The following SLCO5A1 variants were observed in gnomAD, a reference collection of about 807,000 sequenced individuals.
SLCO5A1 encodes solute carrier organic anion transporter family member 5A1, also known as organic anion transporter polypeptide-related protein 4.
SLCO5A1 carries 39 observed loss-of-function variants against 65.1 expected under a neutral mutation model. That is an observed-to-expected ratio of 0.60 (90% CI 0.46 to 0.78). SLCO5A1 has a LOEUF of 0.78. Among genes scored for constraint, SLCO5A1 ranks in the 30% least tolerant of loss-of-function variants. SLCO5A1 has a pLI of 0.00. For missense variants in SLCO5A1, 1,029 were observed against 1,069.4 expected (o/e 0.96, Z 0.53); for synonymous variants, 438 against 415.7 (o/e 1.05, Z -0.65).
At chr8:69,807,870 ATT>A (rs763876614) in intron 2 of SLCO5A1, among the ~76,000 whole-genome samples, 1 of 151,818 alleles carries the variant, frequency 6.6e-6, no homozygotes, top group Non-Finnish European at 1.5e-5. Flanking sequence ...CGCCCAGGTA[ATT>A]TTTTGTATTT....
At chr8:69,748,183 G>A (rs936476054) in intron 4 of SLCO5A1, among the ~76,000 whole-genome samples, 1 of 152,172 alleles carries the variant, frequency 6.6e-6, no homozygotes. Context: ...TTAGCACATT[G>A]AGCCTGAGAC....
chr8:69,771,626 G>T (rs1189760974), intron 2 of SLCO5A1, among the ~76,000 whole-genome samples: 1 of 152,030 alleles, frequency 6.6e-6, no homozygotes, highest in East Asian at 1.9e-4. Flanking sequence ...GATCAGTTTT[G>T]GTGATCGCTC....
chr8:69,784,870 AAGG>A (rs1192899365), intron 2 of SLCO5A1, among the ~76,000 whole-genome samples: 28 of 135,448 alleles, frequency 2.1e-4, no homozygotes, highest in African/African-American at 7.7e-4. Context: ...AAAGGGAAGG[AAGG>A]AGAAAGAAAG....
intron 6 of SLCO5A1, among the ~76,000 whole-genome samples, chr8:69,688,379 A>G (rs1392547560): frequency 6.6e-6 from 1 of 152,036 alleles, no homozygotes; most frequent in Non-Finnish European, 1.5e-5. Context: ...GTACATGTGC[A>G]CAATGTGCAG....
intron 6 of SLCO5A1, among the ~76,000 whole-genome samples, chr8:69,696,513 T>C (rs762623530): frequency 9.2e-5 from 14 of 152,216 alleles, no homozygotes; most frequent in Non-Finnish European, 1.9e-4. Flanking sequence ...CATTTATCCG[T>C]TGCCTCCCAT....
intron 6 of SLCO5A1, among the ~76,000 whole-genome samples, chr8:69,690,024 T>C (rs9693183): frequency 0.5 from 76,347 of 151,790 alleles, 21,428 homozygotes; most frequent in African/African-American, 0.77. Context: ...GCAAGGCCGG[T>C]GGACCCCGCC....
chr8:69,762,186 CTTTCTTTCTTTCTTTT>C (rs1383474146), intron 2 of SLCO5A1, among the ~76,000 whole-genome samples: 1 of 59,924 alleles, frequency 1.7e-5, no homozygotes, highest in African/African-American at 6.9e-5. Context: ...TTCTTTCTTT[CTTTCTTTCTTTCTTTT>C]TTGAGACAGA....
chr8:69,826,194 C>CT (rs1160637432), intron 2 of SLCO5A1, among the ~76,000 whole-genome samples: 1 of 151,994 alleles, frequency 6.6e-6, no homozygotes, highest in African/African-American at 2.4e-5. Flanking sequence ...AAAACCTAGG[C>CT]ATTACCATTC....
chr8:69,701,829 G>A (rs1403480028), intron 6 of SLCO5A1, among the ~76,000 whole-genome samples: 1 of 152,148 alleles, frequency 6.6e-6, no homozygotes, highest in Non-Finnish European at 1.5e-5. Context: ...ATTTGGCTCA[G>A]AATAAATGTC....
At chr8:69,703,125 GAAAAAAGA>G (rs1814824712) in intron 6 of SLCO5A1, among the ~76,000 whole-genome samples, 1 of 76,238 alleles carries the variant, frequency 1.3e-5, no homozygotes, top group South Asian at 5.3e-4. Context: ...AAAAAAAAAA[GAAAAAAGA>G]AAAAAAGAAA....
intron 2 of SLCO5A1, among the ~76,000 whole-genome samples, chr8:69,819,287 C>T (rs1173902698): frequency 6.6e-6 from 1 of 151,852 alleles, no homozygotes; most frequent in East Asian, 1.9e-4. Context: ...GGGAGTGAAA[C>T]TTTAGTCCTG....
At chr8:69,705,361 G>A in intron 5 of SLCO5A1, 132 bp from the exon 6 acceptor site, 1 of 711,238 alleles carries the variant, frequency 1.4e-6, no homozygotes, top group Non-Finnish European at 2.3e-6. Flanking sequence ...TCTTCATTGT[G>A]TGTGATTTTA....
rs115722781 is a variant in SLCO5A1, at chr8:69,748,651, T to A, written c.1258+6773A>T. Among the ~76,000 whole-genome samples, 555 of 152,318 alleles carry A rather than the reference T, an allele frequency of 3.6e-3. 5 individuals carry two copies. The highest frequency in any genetic ancestry group is 0.011 in the African/African-American group (460 of 41,568). On this transcript the variant is annotated intron_variant, in intron 4 of 9. Transcript: ENST00000260126. ...GCCATCAAAGCAAAAAGCTATATAA[T>A]CATCATTATCAGAAACACAGAAACA...
chr8:69,706,880 G>A lies in SLCO5A1; in HGVS notation c.1424-1651C>T, dbSNP rs142840475. 8.0e-3 allele frequency among the ~76,000 whole-genome samples: 1,221 copies of A among 152,268 alleles called. 14 individuals carry two copies. The highest frequency in any genetic ancestry group is 0.028 in the African/African-American group (1,179 of 41,540). On this transcript the variant is annotated intron_variant, in intron 5 of 9. Coordinates refer to ENST00000260126, the MANE Select transcript of SLCO5A1 (RefSeq NM_030958.3). Reference sequence around the variant, plus strand: ...ATAAAGAAATTGGCCAGATGCAGTGGCTCACATCTGTAATCCCAGCACTTT... The same window carrying A: ...ATAAAGAAATTGGCCAGATGCAGTGACTCACATCTGTAATCCCAGCACTTT...
At chr8:69,741,222 T>C (rs188251513) in intron 4 of SLCO5A1, among the ~76,000 whole-genome samples, 2 of 152,362 alleles carry the variant, frequency 1.3e-5, no homozygotes, top group Admixed American at 1.3e-4. Flanking sequence ...GACTATGATG[T>C]GCCTTACGGA....
Position 69,832,529 on chromosome 8 carries a change from T to G in SLCO5A1, c.145A>C (p.Ser49Arg). The G allele has an allele frequency of 6.2e-7, 1 of 1,608,244 alleles. No individual in the cohort carries two copies. Among genetic ancestry groups the G allele is most frequent in the South Asian group, 1.1e-5 (1 of 90,120 alleles). The part of the protein sequence containing the change: ...PVLSSASCRP[S>R]LSPTSGDANP... ...GCGTCTCCACTAGTGGGACTGAGGC[T>G]TGGCCGGCAGGAGGCGCTGCTGAGG... is the stretch of plus-strand genomic sequence containing the variant. The change falls in exon 2 of 10, where the codon AGC (serine) becomes CGC (arginine). Residue 49 changes from serine (S) to arginine (R), a missense_variant. Ser to Arg is a moderately radical substitution (Grantham distance 110). This residue lies in a region of SLCO5A1 where 647 missense variants were observed against 647.5 expected (regional missense o/e 1.00). Transcript: ENST00000260126. The surrounding 1 kb of genome is among the most constrained non-coding windows in gnomAD (Gnocchi z 4.5).
rs1451248820 is a variant in SLCO5A1, at chr8:69,767,907, AAAAAC to A, written c.908-6037_908-6033del. ...TCCATCTCAAAAAAAAAAAAAAAAAAAAAACAAAAAGAAAAAGAAAAAGAATAAGC... is the reference window on the plus strand; with the variant it reads ...TCCATCTCAAAAAAAAAAAAAAAAAAAAAAAGAAAAAGAAAAAGAATAAGC... On this transcript the variant is annotated intron_variant, in intron 2 of 9. Transcript: ENST00000260126. Among the ~76,000 whole-genome samples the A allele has an allele frequency of 2.7e-4, 37 of 139,364 alleles. 1 individual carries two copies. Among genetic ancestry groups the A allele is most frequent in the African/African-American group, 1.1e-3 (35 of 32,394 alleles). 91.4% of individuals were successfully genotyped at this position (139,364 alleles called of 152,430 possible).
intron 5 of SLCO5A1, among the ~76,000 whole-genome samples, chr8:69,737,030 T>C (rs1816589421): frequency 6.6e-6 from 1 of 152,336 alleles, no homozygotes; most frequent in African/African-American, 2.4e-5. Flanking sequence ...GAAAAACATA[T>C]TTTAAGTCAC....
At chr8:69,817,880 A>G (rs1258664196) in intron 2 of SLCO5A1, among the ~76,000 whole-genome samples, 3 of 152,180 alleles carry the variant, frequency 2.0e-5, no homozygotes, top group African/African-American at 4.8e-5. Flanking sequence ...GCAGAGCCAA[A>G]TGTGTGGATT....
Sources: allele counts gnomAD v4.1 joint callset (sites outside exome capture counted in the v4.1 genomes callset), GRCh38; gene constraint gnomAD v4.1.1; regional missense constraint gnomAD v4.1.1; non-coding constraint Gnocchi (gnomAD v3.1); transcripts MANE v1.5; gene names NCBI Gene and HGNC (gene_info 2026-07-23, HGNC 2026-07-21).